NSD2: variants seen among roughly 807,000 people sequenced by gnomAD.
The protein encoded by NSD2 is histone-lysine N-methyltransferase NSD2.
Under a neutral mutation model 139.0 loss-of-function variants are expected in NSD2, and 12 were observed. The ratio of observed to expected loss-of-function variants is 0.09; its 90% CI spans 0.06 to 0.14. NSD2 has a LOEUF of 0.14. NSD2 is among the 10% of genes least tolerant of loss of function. NSD2 has a pLI of 1.00. For synonymous variants in NSD2, 669 were observed against 648.7 expected, an observed-to-expected ratio of 1.03 and a Z score of -0.48; for missense variants, 1,155 against 1,745.0, an observed-to-expected ratio of 0.66 and a Z score of 6.02.
rs1454139472 is a variant in NSD2 at position 1,972,894 on chromosome 4, C to CT, written c.3373-1968dup. Among the ~76,000 whole-genome samples the CT allele has an allele frequency of 8.5e-5, 13 of 152,250 alleles. No individual in the cohort carries two copies. Among genetic ancestry groups the CT allele is most frequent in the South Asian group, 6.2e-4 (3 of 4,830 alleles). On this transcript the variant is annotated intron_variant, in intron 18 of 21. Transcript: ENST00000508803. This position sits in a 1 kb window ranked among gnomAD's most constrained non-coding sequence, Gnocchi z 4.0. ...TGGAGACGGAGTCTCACTCTGTCGC[C>CT]TAGGCTGGAGTTCAGTGGCACAATC...
chr4:1,922,650 G>C (rs1461083520), intron 5 of NSD2, among the ~76,000 whole-genome samples: 2 of 152,254 alleles, frequency 1.3e-5, no homozygotes, highest in East Asian at 3.8e-4. Context: ...ATTTGGCCAG[G>C]TGTGGTGGCT....
At chr4:1,881,364 G>A (rs1351137520) in intron 1 of NSD2, among the ~76,000 whole-genome samples, 5 of 152,100 alleles carry the variant, frequency 3.3e-5, no homozygotes, top group South Asian at 2.1e-4. Context: ...CTGGGTTTAC[G>A]CCATTCTCCT....
chr4:1,917,445 A>AT (rs938050208), intron 4 of NSD2, among the ~76,000 whole-genome samples: 4 of 152,098 alleles, frequency 2.6e-5, no homozygotes, highest in African/African-American at 7.2e-5. Flanking sequence ...ATTTTTTAAA[A>AT]TTTTTTTGAG....
At chr4:1,935,711 A>G (rs1417690471) in intron 7 of NSD2, among the ~76,000 whole-genome samples, 2 of 152,104 alleles carry the variant, frequency 1.3e-5, no homozygotes, top group Admixed American at 6.6e-5. Flanking sequence ...AATACAAAAA[A>G]TTAGCTGGGC....
intron 17 of NSD2, 142 bp downstream of exon 17, chr4:1,959,882 A>T: frequency 1.0e-6 from 1 of 1,004,536 alleles, no homozygotes; most frequent in South Asian, 1.7e-5. Flanking sequence ...TTGTTTTGAG[A>T]CAGGGTCTCA....
rs771867435 is a variant in NSD2, at chr4:1,959,720, G to A, written c.3235G>A (p.Ala1079Thr). ...AGATGGCAAAGGGTGGGGCCTGGTCGCCAAGAGGGACATCAGAAAGGTATG... is the reference window on the plus strand; with the variant it reads ...AGATGGCAAAGGGTGGGGCCTGGTCACCAAGAGGGACATCAGAAAGGTATG... ...KTDGKGWGLV[A>T]KRDIRKGEFV... Residue 1079 changes from alanine to threonine, a missense_variant, in exon 17 of 22, where the codon GCC (alanine) becomes ACC (threonine). By Grantham distance (58) the Ala-to-Thr change is moderately conservative (BLOSUM62 0). Around this residue, in one of 8 missense-constraint regions of NSD2, gnomAD observed 139 missense variants for 485.8 expected, o/e 0.29. Coordinates refer to ENST00000508803, the MANE Select transcript of NSD2 (RefSeq NM_001042424.3). 2.4e-5 allele frequency: 38 copies of A among 1,613,940 alleles called. No individual in the cohort carries two copies. The highest frequency in any genetic ancestry group is 2.2e-5 in the East Asian group (1 of 44,874).
chr4:1,891,531 G>C (rs1464259249), intron 1 of NSD2, among the ~76,000 whole-genome samples: 5 of 152,096 alleles, frequency 3.3e-5, no homozygotes, highest in African/African-American at 9.7e-5. Flanking sequence ...GGTTGGAGCA[G>C]TGAGGCCTAC....
intron 9 of NSD2, chr4:1,943,060 G>A (rs1237633702): frequency 4.8e-6 from 5 of 1,050,274 alleles, no homozygotes; most frequent in Non-Finnish European, 5.7e-6. Context: ...CTGTAATCAG[G>A]TTATGTACAC....
intron 3 of NSD2, among the ~76,000 whole-genome samples, chr4:1,909,759 G>C (rs1577411843): frequency 1.3e-5 from 2 of 151,662 alleles, no homozygotes; most frequent in East Asian, 3.9e-4. Flanking sequence ...TCCTGTCTCA[G>C]CCTCCCGAGT....
chr4:1,888,410 CAAAAAAAAA>C (rs61397233), intron 1 of NSD2, among the ~76,000 whole-genome samples: 2 of 53,198 alleles, frequency 3.8e-5, no homozygotes, highest in African/African-American at 7.5e-5. Flanking sequence ...GAGATTGCCT[CAAAAAAAAA>C]AAAAAAAAAA....
rs551185425 is a variant in NSD2 at position 1,918,125 on chromosome 4, C to CT, written c.928-6dup. ...TTGTGTAGTGAAACTTACAGTGTCT[C>CT]TTTTTTTTTTCCCAGCTATTGAAAC... On this transcript the variant is annotated splice_polypyrimidine_tract_variant and intron_variant, in intron 4 of 21. Transcript: ENST00000508803. 1.8e-3 allele frequency: 2,538 copies of CT among 1,425,760 alleles called. No homozygotes were observed. Among genetic ancestry groups the CT allele is most frequent in the South Asian group, 4.0e-3 (308 of 77,830 alleles). 88.3% of individuals were successfully genotyped at this position (1,425,760 alleles called of 1,614,324 possible).
chr4:1,910,829 T>G (rs1560618877), intron 3 of NSD2, among the ~76,000 whole-genome samples: 1 of 152,168 alleles, frequency 6.6e-6, no homozygotes, highest in Non-Finnish European at 1.5e-5. Context: ...CTTTACCTAT[T>G]TTGGGGCTCT....
rs1335699209 is a variant in NSD2 at position 1,976,748 on chromosome 4, C to T, written c.3826+69C>T. 21 of 1,483,308 alleles carry T rather than the reference C, an allele frequency of 1.4e-5. No homozygotes were observed. The highest frequency in any genetic ancestry group is 2.5e-5 in the East Asian group (1 of 40,444). The allele number at this position is 1,483,308 out of a possible 1,614,324, so 91.9% of individuals were successfully genotyped here. A position where few individuals can be genotyped will look rare whatever the true frequency, so the allele number is the denominator to read the frequency against. The stretch of plus-strand genomic sequence containing the variant: ...GCAGGCTCCTGATGGCGGCTGCTGC[C>T]GCTCTTCCTGCTGACCGGGCCTCAT... On this transcript the variant is annotated intron_variant, in intron 21 of 21. Transcript: ENST00000508803. This position sits in a 1 kb window ranked among gnomAD's most constrained non-coding sequence, Gnocchi z 5.3.
In NSD2 at chr4:1,978,832, C is replaced by T. The variant is rs914518920; in HGVS notation, c.4021C>T (p.Pro1341Ser). 11 of 1,598,386 alleles carry T rather than the reference C, an allele frequency of 6.9e-6. No homozygotes were observed. Among genetic ancestry groups the T allele is most frequent in the South Asian group, 4.5e-5 (4 of 89,494 alleles). The change falls in exon 22 of 22, where the codon CCC (proline) becomes TCC (serine). Residue 1341 changes from proline (P) to serine (S), a missense_variant. By Grantham distance (74) the Pro-to-Ser change is moderately conservative. Around this residue, in one of 8 missense-constraint regions of NSD2, gnomAD observed 132 missense variants for 94.3 expected, o/e 1.40. Coordinates refer to ENST00000508803, the MANE Select transcript of NSD2 (RefSeq NM_001042424.3). ...GGTCAGAAGCACCAAGACTGAGAAG[C>T]CCCCCCCAGAGCCAGGGAAGCCGAA... ...ASVRSTKTEKPPPEPGKPKGK... is the reference protein window; with the variant it reads ...ASVRSTKTEKSPPEPGKPKGK...
intron 18 of NSD2, among the ~76,000 whole-genome samples, chr4:1,964,380 A>G (rs1349491367): frequency 2.6e-5 from 4 of 152,166 alleles, no homozygotes; most frequent in Non-Finnish European, 5.9e-5. Context: ...TCTGGAAGCT[A>G]CTGAAGGCTT....
At chr4:1,895,403 A>G (rs1460841383) in intron 1 of NSD2, among the ~76,000 whole-genome samples, 2 of 152,150 alleles carry the variant, frequency 1.3e-5, no homozygotes, top group Admixed American at 1.3e-4. Context: ...GTTATGTCTT[A>G]ATTTATCTTA....
chr4:1,942,192 C>T lies in NSD2; in HGVS notation c.1881+2414C>T. 1 of 1,441,926 alleles carries T rather than the reference C, an allele frequency of 6.9e-7. No individual in the cohort carries two copies. The highest frequency in any genetic ancestry group is 9.1e-7 in the Non-Finnish European group (1 of 1,100,012). The allele number at this position is 1,441,926 out of a possible 1,614,324, so 89.3% of individuals were successfully genotyped here. On this transcript the variant is annotated intron_variant, in intron 9 of 21. Coordinates refer to ENST00000508803, the MANE Select transcript of NSD2 (RefSeq NM_001042424.3). This position sits in a 1 kb window ranked among gnomAD's most constrained non-coding sequence, Gnocchi z 4.0. Reference sequence around the variant, plus strand: ...GAATAATTATTACATGGTACTACATCACCCTGAGGAAGAGAATAAATTAAA... The same window carrying T: ...GAATAATTATTACATGGTACTACATTACCCTGAGGAAGAGAATAAATTAAA...
Position 1,942,313 on chromosome 4 carries a change from A to AT in NSD2, c.1881+2542dup. ...TATTCCTTTAGTAGAGCAAATTCTT[A>AT]TTTTTTTCGCCTTCACTGGTAACAG... is the stretch of plus-strand genomic sequence containing the variant. On this transcript the variant is annotated intron_variant, in intron 9 of 21. Transcript: ENST00000508803. The surrounding 1 kb of genome is among the most constrained non-coding windows in gnomAD (Gnocchi z 4.0). 1.2e-6 allele frequency: 2 copies of AT among 1,610,426 alleles called. No individual in the cohort carries two copies. Among genetic ancestry groups the AT allele is most frequent in the Non-Finnish European group, 1.7e-6 (2 of 1,179,048 alleles).
At position 1,963,250 on chromosome 4, in the gene NSD2, A is replaced by C. The variant is rs145961168; in HGVS notation, c.3372+2099A>C. ...GTTTGTACACAGCGCCTCTAGGACC[A>C]TGGCGTGTAGAGCAGGCAGGAGCTT... On this transcript the variant is annotated intron_variant, in intron 18 of 21. Coordinates refer to ENST00000508803, the MANE Select transcript of NSD2 (RefSeq NM_001042424.3). Among the ~76,000 whole-genome samples, 352 of 152,310 alleles carry C rather than the reference A, an allele frequency of 2.3e-3. 2 individuals carry two copies. Among genetic ancestry groups the C allele is most frequent in the African/African-American group, 8.2e-3 (339 of 41,556 alleles).
Sources: gnomAD v4.1 joint callset for allele counts (sites outside exome capture counted in the v4.1 genomes callset) on GRCh38, gnomAD v4.1.1 for gene constraint, gnomAD v4.1.1 regional missense constraint, Gnocchi (gnomAD v3.1) non-coding constraint, MANE v1.5 for transcripts, NCBI Gene and HGNC (gene_info 2026-07-23, HGNC 2026-07-21) for gene names.